Variants in ITGBL1 observed in about 807,000 individuals in gnomAD.
ITGBL1 encodes the protein integrin subunit beta like 1.
Under a neutral mutation model 68.5 loss-of-function variants are expected in ITGBL1, and 51 were observed. That is an observed-to-expected ratio of 0.74 (90% confidence interval 0.59 to 0.94). The LOEUF is 0.94. Among genes scored for constraint, ITGBL1 ranks in the 40% least tolerant of loss-of-function variants. The pLI is 0.00. For synonymous variants in ITGBL1, 209 were observed against 227.3 expected, an observed-to-expected ratio of 0.92 and a Z score of 0.72; for missense variants, 649 against 647.4, an observed-to-expected ratio of 1.00 and a Z score of -0.03.
At position 101,662,742 on chromosome 13, in the gene ITGBL1, G is replaced by A. The variant is rs138502196; in HGVS notation, c.1016-29843G>A. On this transcript the variant is annotated intron_variant, in intron 7 of 10. Coordinates refer to ENST00000376180, the MANE Select transcript of ITGBL1 (RefSeq NM_004791.3). ...ATTTGATCACCGTTCAGTTTTTCTC[G>A]GTAACTAAGTTTGTCCCTGAAAGTT... Among the ~76,000 whole-genome samples the A allele has an allele frequency of 5.8e-3, 883 of 151,806 alleles. 3 individuals are homozygous for A. The highest frequency in any genetic ancestry group is 0.02 in the African/African-American group (813 of 41,386).
At chr13:101,638,046 A>C (rs1021941039) in intron 7 of ITGBL1, among the ~76,000 whole-genome samples, 2 of 152,188 alleles carry the variant, frequency 1.3e-5, no homozygotes, top group African/African-American at 2.4e-5. Context: ...GGTAGAACAA[A>C]GGAAGGATCT....
intron 7 of ITGBL1, among the ~76,000 whole-genome samples, chr13:101,669,324 A>T (rs936609078): frequency 6.6e-6 from 1 of 152,140 alleles, no homozygotes; most frequent in Non-Finnish European, 1.5e-5. Flanking sequence ...ATGAAAAATA[A>T]TATTGTGTGG....
At chr13:101,678,821 G>A (rs373525577) in intron 7 of ITGBL1, among the ~76,000 whole-genome samples, 20 of 151,844 alleles carry the variant, frequency 1.3e-4, no homozygotes, top group South Asian at 4.1e-4. Context: ...GTTTTAAAGC[G>A]TTAGTACCAA....
intron 6 of ITGBL1, among the ~76,000 whole-genome samples, chr13:101,596,260 A>G (rs9518460): frequency 0.18 from 27,534 of 152,148 alleles, 2,859 homozygotes; most frequent in Admixed American, 0.25. Context: ...ATAGAGTAGA[A>G]GGGTGGTTAC....
chr13:101,591,926 C>T (rs1053475835), intron 6 of ITGBL1, among the ~76,000 whole-genome samples: 7 of 152,124 alleles, frequency 4.6e-5, no homozygotes, highest in Admixed American at 2.6e-4. Flanking sequence ...AATGTGGGAA[C>T]TGATGAATAC....
intron 2 of ITGBL1, among the ~76,000 whole-genome samples, chr13:101,542,927 CTTTTATTT>C (rs1489291459): frequency 6.6e-6 from 1 of 152,066 alleles, no homozygotes; most frequent in Non-Finnish European, 1.5e-5. Flanking sequence ...TTCTTCCATC[CTTTTATTT>C]TGAGCCTGTG....
intron 2 of ITGBL1, among the ~76,000 whole-genome samples, chr13:101,542,136 A>C (rs2139188703): frequency 1.3e-5 from 2 of 152,116 alleles, no homozygotes; most frequent in South Asian, 4.2e-4. Flanking sequence ...TAGTTCTTTT[A>C]ATTGTGATGT....
intron 2 of ITGBL1, among the ~76,000 whole-genome samples, chr13:101,488,681 A>T (rs1473118710): frequency 6.6e-6 from 1 of 152,108 alleles, no homozygotes; most frequent in African/African-American, 2.4e-5. Context: ...TGAACCCCCC[A>T]CTACAACCTT....
rs2050280623 is a variant in ITGBL1 at position 101,571,961 on chromosome 13, A to C, written c.464-3463A>C. Among the ~76,000 whole-genome samples, 3 of 152,192 alleles carry C rather than the reference A, an allele frequency of 2.0e-5. No individual in the cohort carries two copies. In the South Asian group the frequency reaches 6.2e-4, roughly 31 times the overall value. On this transcript the variant is annotated intron_variant, in intron 3 of 10. Coordinates refer to ENST00000376180, the MANE Select transcript of ITGBL1 (RefSeq NM_004791.3). Reference sequence around the variant, plus strand: ...TTGGATTGTAAATAATAGTGCACAGAATGATCTAGTGCACATATATTTTTA... The same window carrying C: ...TTGGATTGTAAATAATAGTGCACAGCATGATCTAGTGCACATATATTTTTA...
chr13:101,642,972 T>C (rs1271015508), intron 7 of ITGBL1, among the ~76,000 whole-genome samples: 2 of 148,744 alleles, frequency 1.3e-5, no homozygotes, highest in Non-Finnish European at 3.0e-5. Flanking sequence ...TGTAGCCTTG[T>C]AGTATAGTTT....
intron 7 of ITGBL1, among the ~76,000 whole-genome samples, chr13:101,622,521 T>C (rs1421622044): frequency 1.3e-5 from 2 of 152,172 alleles, no homozygotes; most frequent in East Asian, 3.9e-4. Context: ...CTTTTAGTTT[T>C]GTATTTGCCG....
chr13:101,588,141 C>T (rs1328824128), intron 6 of ITGBL1, among the ~76,000 whole-genome samples: 1 of 152,126 alleles, frequency 6.6e-6, no homozygotes. Context: ...CCTATAATGG[C>T]CTGAGAACCT....
chr13:101,715,696 C>A lies in ITGBL1; in HGVS notation c.*42C>A, dbSNP rs779831497. On this transcript the variant is annotated 3_prime_UTR_variant, in exon 11 of 11. Transcript: ENST00000376180. ...GTCTGGATTCTTATTTTTTCTGGGC[C>A]ATTAGAACAGATAAATGCGAAGGAA... 2 of 1,306,900 alleles carry A rather than the reference C, an allele frequency of 1.5e-6. No homozygotes were observed. The highest frequency in any genetic ancestry group is 1.5e-5 in the African/African-American group (1 of 68,902). 81.0% of individuals were successfully genotyped at this position (1,306,900 alleles called of 1,614,324 possible).
chr13:101,524,266 T>C (rs112212618), intron 2 of ITGBL1, among the ~76,000 whole-genome samples: 2,292 of 152,158 alleles, frequency 0.015, 34 homozygotes, highest in Non-Finnish European at 0.021. Flanking sequence ...CAAAAAACAA[T>C]GCCACTCATG....
At chr13:101,683,194 C>G (rs1380328343) in intron 7 of ITGBL1, among the ~76,000 whole-genome samples, 2 of 151,890 alleles carry the variant, frequency 1.3e-5, no homozygotes, top group African/African-American at 4.8e-5. Flanking sequence ...ATCAGCATAC[C>G]CTCTCCCTAA....
intron 8 of ITGBL1, among the ~76,000 whole-genome samples, chr13:101,705,309 A>AAAAC (rs1334814134): frequency 7.1e-6 from 1 of 139,938 alleles, no homozygotes; most frequent in Non-Finnish European, 1.6e-5. Flanking sequence ...AAAAAAAAAA[A>AAAAC]CAACAACAAC....
At chr13:101,661,738 A>G (rs540278819) in intron 7 of ITGBL1, among the ~76,000 whole-genome samples, 2 of 152,332 alleles carry the variant, frequency 1.3e-5, no homozygotes, top group South Asian at 4.1e-4. Flanking sequence ...TCACCACCTA[A>G]TATTTTTTTT....
chr13:101,576,632 A>T (rs1404620531), intron 4 of ITGBL1, among the ~76,000 whole-genome samples: 1 of 152,148 alleles, frequency 6.6e-6, no homozygotes, highest in Non-Finnish European at 1.5e-5. Context: ...GAACCCTGAG[A>T]AACTGTGGCT....
intron 7 of ITGBL1, among the ~76,000 whole-genome samples, chr13:101,682,169 A>G (rs2033658641): frequency 6.6e-6 from 1 of 152,134 alleles, no homozygotes; most frequent in Non-Finnish European, 1.5e-5. Context: ...TACTGTAACT[A>G]CACTCCAGCA....
Sources: gnomAD v4.1 joint callset for allele counts (sites outside exome capture counted in the v4.1 genomes callset) on GRCh38, gnomAD v4.1.1 for gene constraint, MANE v1.5 for transcripts, NCBI Gene and HGNC (gene_info 2026-07-23, HGNC 2026-07-21) for gene names.